Variants in PDK1 observed in about 807,000 individuals in gnomAD.
PDK1 encodes the protein [Pyruvate dehydrogenase (acetyl-transferring)] kinase isozyme 1, mitochondrial.
Under a neutral mutation model 54.2 loss-of-function variants are expected in PDK1, and 39 were observed. That is an observed-to-expected ratio of 0.72 (90% CI 0.56 to 0.94). The LOEUF (loss-of-function observed/expected upper bound fraction) is 0.94. PDK1 is among the 40% of genes least tolerant of loss of function. The pLI, the probability that PDK1 is intolerant of heterozygous loss-of-function variation, is 0.00. For missense variants in PDK1, 552 were observed against 566.0 expected (o/e 0.98, Z 0.25); for synonymous variants, 221 against 207.1 (o/e 1.07, Z -0.58).
chr2:172,616,954 A>T, the PDK1 span, among the ~76,000 whole-genome samples: 2 of 151,604 alleles, frequency 1.3e-5, no homozygotes, highest in South Asian at 2.1e-4. Context: ...TGGTTATTTT[A>T]TTTTATTTAT....
the PDK1 span, among the ~76,000 whole-genome samples, chr2:172,614,344 T>C: frequency 6.6e-6 from 1 of 152,186 alleles, no homozygotes. Context: ...TGGGGACTCA[T>C]GCTCTTCCGT....
At chr2:172,571,903 C>T (rs1195653602) in intron 8 of PDK1, among the ~76,000 whole-genome samples, 5 of 141,958 alleles carry the variant, frequency 3.5e-5, no homozygotes, top group African/African-American at 1.3e-4. Context: ...TGTGATCTCG[C>T]CCACTGCAAC....
At chr2:172,668,367 C>G in the PDK1 span, among the ~76,000 whole-genome samples, 1 of 151,236 alleles carries the variant, frequency 6.6e-6, no homozygotes, top group Non-Finnish European at 1.5e-5. Flanking sequence ...ACTTATATCT[C>G]TACTTCCTAG....
At chr2:172,559,964 G>A (rs1446666575) in intron 2 of PDK1, among the ~76,000 whole-genome samples, 3 of 151,996 alleles carry the variant, frequency 2.0e-5, no homozygotes, top group African/African-American at 4.8e-5. Flanking sequence ...CTCCCACCTC[G>A]GCCTCCTGAG....
At chr2:172,723,443 G>A in the PDK1 span, 2 of 152,132 alleles carry the variant, frequency 1.3e-5, no homozygotes, top group African/African-American at 2.4e-5. Context: ...AAATGGAGAA[G>A]TTAGCCAAGA....
chr2:172,661,887 T>C, the PDK1 span, among the ~76,000 whole-genome samples: 6 of 152,296 alleles, frequency 3.9e-5, no homozygotes, highest in East Asian at 1.2e-3. Context: ...ATCATTCGTA[T>C]CTCAAACCTA....
the PDK1 span, among the ~76,000 whole-genome samples, chr2:172,719,680 C>G: frequency 6.6e-6 from 1 of 152,094 alleles, no homozygotes; most frequent in Non-Finnish European, 1.5e-5. Flanking sequence ...TTTCCAGTTT[C>G]CAATATATGT....
At position 172,599,810 on chromosome 2, in the gene PDK1, A is replaced by G. The variant is rs1250946055; in HGVS notation, c.*3841A>G. 3.9e-5 allele frequency: 6 copies of G among 152,216 alleles called. No individual in the cohort carries two copies. The highest frequency in any genetic ancestry group is 1.4e-4 in the African/African-American group (6 of 41,456). The allele number at this position is 152,216 out of a possible 1,614,324, so 9.4% of individuals were successfully genotyped here. On this transcript the variant is annotated 3_prime_UTR_variant, in exon 11 of 11. Transcript: ENST00000282077. ...CATAGGTTTTTAATAGCAAAAGACAAGATTGTCAGTTTTTGGTGCAAAACT... is the reference window on the plus strand; with the variant it reads ...CATAGGTTTTTAATAGCAAAAGACAGGATTGTCAGTTTTTGGTGCAAAACT...
the PDK1 span, among the ~76,000 whole-genome samples, chr2:172,712,413 T>C: frequency 6.6e-6 from 1 of 152,228 alleles, no homozygotes; most frequent in Non-Finnish European, 1.5e-5. Context: ...TTCACTTGGC[T>C]TTCGCTACTG....
At chr2:172,569,583 C>T (rs558909676) in intron 7 of PDK1, among the ~76,000 whole-genome samples, 2 of 152,170 alleles carry the variant, frequency 1.3e-5, no homozygotes, top group African/African-American at 4.8e-5. Context: ...GGCTTTCAAT[C>T]TGATAATGTA....
chr2:172,646,382 T>G, the PDK1 span, among the ~76,000 whole-genome samples: 1 of 145,574 alleles, frequency 6.9e-6, no homozygotes, highest in Non-Finnish European at 1.6e-5. Context: ...AAAATCCCCT[T>G]TTTTTCTTTC....
chr2:172,625,496 C>A, the PDK1 span, among the ~76,000 whole-genome samples: 1 of 152,168 alleles, frequency 6.6e-6, no homozygotes, highest in African/African-American at 2.4e-5. Context: ...ACCTTATCTC[C>A]TGCTAGTCCC....
the PDK1 span, among the ~76,000 whole-genome samples, chr2:172,655,746 T>C: frequency 6.6e-6 from 1 of 152,226 alleles, no homozygotes; most frequent in Middle Eastern, 3.2e-3. Context: ...CAGTGTGCCC[T>C]TTTAGCCTTG....
At chr2:172,720,395 G>A in the PDK1 span, among the ~76,000 whole-genome samples, 7 of 152,102 alleles carry the variant, frequency 4.6e-5, 1 homozygote, top group Admixed American at 3.9e-4. Context: ...GTTTACAGGC[G>A]TGAGCTACTG....
chr2:172,642,844 TCTC>T, the PDK1 span, among the ~76,000 whole-genome samples: 3 of 148,006 alleles, frequency 2.0e-5, no homozygotes, highest in Admixed American at 6.7e-5. Context: ...TCCTCTTCCT[TCTC>T]CTTCTCCTCC....
the PDK1 span, among the ~76,000 whole-genome samples, chr2:172,672,551 G>A: frequency 2.0e-5 from 3 of 151,602 alleles, no homozygotes; most frequent in Non-Finnish European, 4.4e-5. Flanking sequence ...CACAGATACT[G>A]CATTTTTTAC....
rs1230606816 is a variant in PDK1, at chr2:172,601,794, G to C, written c.*5825G>C. ...AGGCTGCAGCAGAAGGGACCCTTCA[G>C]ATAAACCTCCAGTCAGGAAAGGAAA... On this transcript the variant is annotated 3_prime_UTR_variant, in exon 11 of 11. Coordinates refer to ENST00000282077, the MANE Select transcript of PDK1 (RefSeq NM_002610.5). 6.6e-6 allele frequency: 1 copy of C among 152,100 alleles called. No homozygotes were observed. Among genetic ancestry groups the C allele is most frequent in the African/African-American group, 2.4e-5 (1 of 41,426 alleles). 9.4% of individuals were successfully genotyped at this position (152,100 alleles called of 1,614,324 possible).
intron 3 of PDK1, chr2:172,562,670 C>T: frequency 5.9e-6 from 5 of 848,462 alleles, no homozygotes; most frequent in Non-Finnish European, 9.9e-6. Flanking sequence ...AGCTACAAGT[C>T]TAGATTTGTA....
intron 8 of PDK1, 152 bp from the exon 9 acceptor site, chr2:172,586,126 T>C (rs1690210014): frequency 4.4e-6 from 2 of 450,112 alleles, no homozygotes; most frequent in African/African-American, 2.2e-5. Context: ...ACCACTGCAC[T>C]CCAGCCTGGG....
Sources: gnomAD v4.1 joint callset for allele counts (sites outside exome capture counted in the v4.1 genomes callset) on GRCh38, gnomAD v4.1.1 for gene constraint, MANE v1.5 for transcripts, NCBI Gene and HGNC (gene_info 2026-07-23, HGNC 2026-07-21) for gene names.